The following DNM3 variants were observed in gnomAD, a reference collection of about 807,000 sequenced individuals.
DNM3 encodes the protein dynamin 3.
Under a neutral mutation model 101.6 loss-of-function variants are expected in DNM3, and 47 were observed. The observed-to-expected ratio is 0.46, with a 90% CI of 0.37 to 0.59. DNM3 has a LOEUF of 0.59. Ranked by LOEUF, DNM3 falls within the 20% of genes least tolerant of loss-of-function variation. The pLI is 0.00. For synonymous variants in DNM3, 385 were observed against 387.9 expected, an observed-to-expected ratio of 0.99 and a Z score of 0.09; for missense variants, 849 against 1,085.7, an observed-to-expected ratio of 0.78 and a Z score of 3.06.
intron 15 of DNM3, among the ~76,000 whole-genome samples, chr1:172,298,848 A>G (rs2064290556): frequency 7.2e-6 from 1 of 139,336 alleles, no homozygotes; most frequent in African/African-American, 2.7e-5. Flanking sequence ...GACAGAAAGA[A>G]GAAAGAAAGA....
At chr1:171,849,650 C>T (rs2032676556) in intron 1 of DNM3, among the ~76,000 whole-genome samples, 1 of 152,044 alleles carries the variant, frequency 6.6e-6, no homozygotes, top group Admixed American at 6.6e-5. Context: ...TGCATTATCA[C>T]AATGTGTTCT....
intron 2 of DNM3, among the ~76,000 whole-genome samples, chr1:171,922,671 G>C (rs74126539): frequency 0.026 from 3,935 of 152,208 alleles, 159 homozygotes; most frequent in African/African-American, 0.09. Context: ...AAGAAAGCCT[G>C]TATGTTTCTG....
chr1:171,882,976 T>TTATACATATTA (rs1284464139), intron 1 of DNM3, among the ~76,000 whole-genome samples: 3 of 151,844 alleles, frequency 2.0e-5, no homozygotes, highest in African/African-American at 7.2e-5. Flanking sequence ...ATCCCATATT[T>TTATACATATTA]TATACATATT....
intron 13 of DNM3, among the ~76,000 whole-genome samples, chr1:172,102,337 T>A (rs989522873): frequency 6.6e-6 from 1 of 152,112 alleles, no homozygotes; most frequent in African/African-American, 2.4e-5. Context: ...AATATAATAA[T>A]CATTATTTTA....
intron 14 of DNM3, among the ~76,000 whole-genome samples, chr1:172,173,831 G>A (rs2059055228): frequency 6.6e-6 from 1 of 151,554 alleles, no homozygotes. Context: ...TTTATATTTT[G>A]CGGTGAACAT....
intron 17 of DNM3, among the ~76,000 whole-genome samples, chr1:172,337,866 T>TTTTATTTTATTTTAATTTTA (rs2066501774): frequency 1.7e-4 from 19 of 113,164 alleles, no homozygotes; most frequent in African/African-American, 6.2e-4. Flanking sequence ...TTTTATTTTA[T>TTTTATTTTATTTTAATTTTA]TTTTATTTTA....
chr1:172,392,835 G>A (rs558653000), intron 20 of DNM3, among the ~76,000 whole-genome samples: 4 of 152,178 alleles, frequency 2.6e-5, no homozygotes, highest in African/African-American at 7.2e-5. Context: ...AAGTATGATG[G>A]TTTCTCTTTA....
chr1:171,879,974 A>T (rs1024641413), intron 1 of DNM3, among the ~76,000 whole-genome samples: 2 of 152,256 alleles, frequency 1.3e-5, no homozygotes, highest in Non-Finnish European at 1.5e-5. Context: ...TTGGAATTCA[A>T]GTCTTATGGA....
chr1:171,891,150 C>G (rs1177267935), intron 1 of DNM3, among the ~76,000 whole-genome samples: 1 of 152,052 alleles, frequency 6.6e-6, no homozygotes, highest in Non-Finnish European at 1.5e-5. Flanking sequence ...CTGCAATGAC[C>G]AATACAGTCT....
intron 14 of DNM3, 115 bp from the exon 15 acceptor site, chr1:172,253,458 C>T (rs2062263823): frequency 1.4e-6 from 1 of 727,378 alleles, no homozygotes; most frequent in Non-Finnish European, 2.2e-6. Flanking sequence ...ATTGGCATGC[C>T]TCAAGATCTT....
At position 172,238,241 on chromosome 1, in the gene DNM3, G is replaced by C. The variant is rs547525715; in HGVS notation, c.1660-15332G>C. 1.8e-4 allele frequency among the ~76,000 whole-genome samples: 28 copies of C among 152,184 alleles called. No individual in the cohort carries two copies. The South Asian group carries it at 5.4e-3, about 29-fold the overall frequency. ...GAACTCACAGACTCTGGGGGTCAGA[G>C]GACTACAGTTGGAGAAATACTGCCC... On this transcript the variant is annotated intron_variant, in intron 14 of 20. Transcript: ENST00000627582.
At chr1:171,864,977 G>T (rs2034571618) in intron 1 of DNM3, among the ~76,000 whole-genome samples, 1 of 152,024 alleles carries the variant, frequency 6.6e-6, no homozygotes, top group Non-Finnish European at 1.5e-5. Flanking sequence ...TTAAAATACA[G>T]ACTTATTTAA....
chr1:172,369,575 C>CTT (rs1443103290), intron 17 of DNM3, among the ~76,000 whole-genome samples: 1 of 151,912 alleles, frequency 6.6e-6, no homozygotes, highest in African/African-American at 2.4e-5. Flanking sequence ...ATGATGTCCA[C>CTT]TTTCTCTACT....
At chr1:171,941,178 T>C (rs146621231) in intron 2 of DNM3, among the ~76,000 whole-genome samples, 1 of 152,254 alleles carries the variant, frequency 6.6e-6, no homozygotes, top group African/African-American at 2.4e-5. Context: ...GCTACACATA[T>C]GACAAAGTGC....
At chr1:172,382,218 G>A (rs529460581) in intron 18 of DNM3, among the ~76,000 whole-genome samples, 10 of 152,228 alleles carry the variant, frequency 6.6e-5, no homozygotes, top group Non-Finnish European at 1.0e-4. Flanking sequence ...TATGACAGAC[G>A]GTCTTTCTGG....
chr1:172,311,571 G>T (rs977489652), intron 16 of DNM3, among the ~76,000 whole-genome samples: 1 of 152,134 alleles, frequency 6.6e-6, no homozygotes, highest in Admixed American at 6.5e-5. Flanking sequence ...ACTCCAGCCT[G>T]TGTGAAAGAG....
intron 17 of DNM3, among the ~76,000 whole-genome samples, chr1:172,373,500 G>T (rs1290988068): frequency 6.6e-6 from 1 of 151,982 alleles, no homozygotes; most frequent in Non-Finnish European, 1.5e-5. Context: ...AAATAATACA[G>T]AATTGTTTCA....
chr1:172,409,103 T>TAA lies in DNM3; in HGVS notation c.*1263_*1264dup. The TAA allele has an allele frequency of 1.0e-6, 1 of 985,376 alleles. No homozygotes were observed. Among genetic ancestry groups the TAA allele is most frequent in the East Asian group, 1.1e-4 (1 of 8,814 alleles). 61.0% of individuals were successfully genotyped at this position (985,376 alleles called of 1,614,324 possible). On this transcript the variant is annotated 3_prime_UTR_variant, in exon 21 of 21. Coordinates refer to ENST00000627582, the MANE Select transcript of DNM3 (RefSeq NM_015569.5). ...GGGGTTAATAGTTAAGTCTTGAGGC[T>TAA]AAGTTTTGGACTACCAAGGACCAGA... is the stretch of plus-strand genomic sequence containing the variant.
intron 1 of DNM3, among the ~76,000 whole-genome samples, chr1:171,879,164 G>C (rs532557897): frequency 6.6e-6 from 1 of 151,990 alleles, no homozygotes; most frequent in Non-Finnish European, 1.5e-5. Flanking sequence ...ATATCTTCAG[G>C]GTCTGCCATA....
Sources: gnomAD v4.1 joint callset for allele counts (sites outside exome capture counted in the v4.1 genomes callset) on GRCh38, gnomAD v4.1.1 for gene constraint, MANE v1.5 for transcripts, NCBI Gene and HGNC (gene_info 2026-07-23, HGNC 2026-07-21) for gene names.